Variants in STIM1 observed in about 807,000 individuals in gnomAD.
STIM1 encodes the protein stromal interaction molecule 1.
Under a neutral mutation model 74.7 loss-of-function variants are expected in STIM1, and 25 were observed. The ratio of observed to expected loss-of-function variants is 0.33; its 90% CI spans 0.24 to 0.47. STIM1 has a LOEUF of 0.47. Among genes scored for constraint, STIM1 ranks in the 20% least tolerant of loss-of-function variants. The pLI, the probability that STIM1 is intolerant of heterozygous loss-of-function variation, is 1.00. For missense variants in STIM1, 728 were observed against 920.8 expected (o/e 0.79, Z 2.71); for synonymous variants, 328 against 348.8 (o/e 0.94, Z 0.66).
At chr11:3,936,584 A>G (rs141217547) in intron 1 of STIM1, among the ~76,000 whole-genome samples, 165 of 152,302 alleles carry the variant, frequency 1.1e-3, no homozygotes, top group African/African-American at 3.5e-3. Context: ...TGAAAAAAGG[A>G]CGGCTCCTAG....
intron 1 of STIM1, among the ~76,000 whole-genome samples, chr11:3,946,529 C>T (rs1271902488): frequency 6.6e-6 from 1 of 152,138 alleles, no homozygotes; most frequent in Non-Finnish European, 1.5e-5. Context: ...CCTTTTCTAT[C>T]TGCCTGCCCT....
At chr11:4,054,161 A>G (rs1025430721) in intron 3 of STIM1, among the ~76,000 whole-genome samples, 7 of 152,214 alleles carry the variant, frequency 4.6e-5, no homozygotes, top group Non-Finnish European at 4.4e-5. Context: ...GAGAATGGCT[A>G]TAAAGTGCCC....
At chr11:3,963,511 G>C (rs1177799152) in intron 1 of STIM1, among the ~76,000 whole-genome samples, 1 of 151,988 alleles carries the variant, frequency 6.6e-6, no homozygotes, top group Non-Finnish European at 1.5e-5. Context: ...CATATAAAAG[G>C]GTCCTGAGAC....
intron 2 of STIM1, among the ~76,000 whole-genome samples, chr11:4,005,110 T>C (rs1184581158): frequency 6.6e-6 from 1 of 152,162 alleles, no homozygotes; most frequent in Non-Finnish European, 1.5e-5. Flanking sequence ...TGTGGAATAA[T>C]AGGAACACTT....
intron 1 of STIM1, among the ~76,000 whole-genome samples, chr11:3,917,407 A>G (rs145684597): frequency 6.6e-6 from 1 of 151,712 alleles, no homozygotes; most frequent in Non-Finnish European, 1.5e-5. Flanking sequence ...TGATTACAAA[A>G]GGTGAATGCT....
chr11:3,900,925 T>C (rs1023828737), intron 1 of STIM1, among the ~76,000 whole-genome samples: 1 of 152,180 alleles, frequency 6.6e-6, no homozygotes, highest in Non-Finnish European at 1.5e-5. Context: ...GCACGGTGGC[T>C]CACACCTGTA....
intron 2 of STIM1, among the ~76,000 whole-genome samples, chr11:4,012,869 A>G (rs1355746265): frequency 6.6e-6 from 1 of 152,138 alleles, no homozygotes; most frequent in Non-Finnish European, 1.5e-5. Context: ...GTTTGTCATA[A>G]ATAGCTCTTA....
chr11:3,895,614 CTTTCTT>C (rs1479460883), intron 1 of STIM1, among the ~76,000 whole-genome samples: 21 of 62,406 alleles, frequency 3.4e-4, no homozygotes, highest in East Asian at 1.6e-3. Context: ...CTCTCTCTTT[CTTTCTT>C]TCTTTCTTTC....
intron 2 of STIM1, among the ~76,000 whole-genome samples, chr11:4,008,457 AC>A (rs1445040446): frequency 1.3e-5 from 2 of 152,238 alleles, no homozygotes; most frequent in Non-Finnish European, 2.9e-5. Flanking sequence ...CAAAAACATC[AC>A]CAAACTTACA....
rs2093657122 is a variant in STIM1, at chr11:3,995,708, G to T, written c.270+28026G>T. 2.6e-5 allele frequency among the ~76,000 whole-genome samples: 4 copies of T among 151,992 alleles called. No individual in the cohort carries two copies. The South Asian group carries it at 8.3e-4, about 31-fold the overall frequency. The stretch of plus-strand genomic sequence containing the variant: ...CACCCAGGCTAGAGTGCAGTGGCGT[G>T]ATCATGGCCCACTGCAGCCTCAACC... On this transcript the variant is annotated intron_variant, in intron 2 of 12. Coordinates refer to ENST00000526596, the MANE Select transcript of STIM1 (RefSeq NM_001382567.1).
chr11:3,855,490 G>A (rs2090326552), upstream of STIM1: 1 of 152,086 alleles, frequency 6.6e-6, no homozygotes, highest in Non-Finnish European at 1.5e-5. Context: ...CGGGGGTCCG[G>A]GAGAGCCCGC....
chr11:3,858,842 G>T (rs1009668564), intron 1 of STIM1, among the ~76,000 whole-genome samples: 24 of 152,180 alleles, frequency 1.6e-4, no homozygotes, highest in African/African-American at 5.6e-4. Flanking sequence ...TTACAATGCA[G>T]GGCAAGTGGT....
At chr11:4,019,586 G>A (rs922301623) in intron 2 of STIM1, among the ~76,000 whole-genome samples, 6 of 151,840 alleles carry the variant, frequency 4.0e-5, no homozygotes, top group Non-Finnish European at 7.4e-5. Flanking sequence ...GAGGCAGGAG[G>A]ATCACCCAGC....
chr11:3,870,545 G>A (rs1442248679), intron 1 of STIM1, among the ~76,000 whole-genome samples: 2 of 151,884 alleles, frequency 1.3e-5, no homozygotes. Flanking sequence ...CGCCCACACT[G>A]GAGTGCAGTG....
At chr11:3,956,704 T>C (rs1444359013) in intron 1 of STIM1, among the ~76,000 whole-genome samples, 2 of 151,652 alleles carry the variant, frequency 1.3e-5, no homozygotes, top group African/African-American at 4.8e-5. Context: ...ATGCCTGTAA[T>C]TCCAACACTA....
chr11:3,991,779 C>G (rs1207166063), intron 2 of STIM1, among the ~76,000 whole-genome samples: 1 of 151,152 alleles, frequency 6.6e-6, no homozygotes, highest in African/African-American at 2.4e-5. Flanking sequence ...GAAACCCCAT[C>G]TCTACTAAAA....
intron 1 of STIM1, among the ~76,000 whole-genome samples, chr11:3,875,430 C>G (rs1221726834): frequency 6.6e-6 from 1 of 152,068 alleles, no homozygotes; most frequent in Non-Finnish European, 1.5e-5. Flanking sequence ...CAAATTGGAA[C>G]ATAACAAAAT....
intron 1 of STIM1, among the ~76,000 whole-genome samples, chr11:3,895,615 T>TC (rs1565104501): frequency 5.6e-4 from 5 of 8,970 alleles, no homozygotes; most frequent in East Asian, 9.9e-3. Context: ...TCTCTCTTTC[T>TC]TTCTTTCTTT....
chr11:3,966,550 A>G (rs1022402992), intron 1 of STIM1, among the ~76,000 whole-genome samples: 1 of 152,214 alleles, frequency 6.6e-6, no homozygotes, highest in African/African-American at 2.4e-5. Flanking sequence ...GTTAAGATCT[A>G]TCTTCTTTGA....
Sources: gnomAD v4.1 joint callset for allele counts (sites outside exome capture counted in the v4.1 genomes callset) on GRCh38, gnomAD v4.1.1 for gene constraint, MANE v1.5 for transcripts, NCBI Gene and HGNC (gene_info 2026-07-23, HGNC 2026-07-21) for gene names.